The following FANCC variants were observed in gnomAD, a reference collection of about 807,000 sequenced individuals.
FANCC encodes FA complementation group C, also known as Fanconi anemia group C protein.
Under a neutral mutation model 71.3 loss-of-function variants are expected in FANCC, and 55 were observed. The ratio of observed to expected loss-of-function variants is 0.77; its 90% confidence interval spans 0.62 to 0.97. The LOEUF (loss-of-function observed/expected upper bound fraction) is 0.97, where lower values mean the gene tolerates loss of function less well. FANCC is among the 50% of genes least tolerant of loss of function. FANCC has a pLI of 0.00. For synonymous variants in FANCC, 275 were observed against 244.9 expected (o/e 1.12, Z -1.15); for missense variants, 678 against 670.9 (o/e 1.01, Z -0.12).
chr9:95,112,157 C>T (rs1349994169), intron 12 of FANCC, among the ~76,000 whole-genome samples: 2 of 152,224 alleles, frequency 1.3e-5, no homozygotes, highest in Admixed American at 1.3e-4. Flanking sequence ...GAAGCTATCC[C>T]CTCGCCACAC....
At chr9:95,256,996 T>C (rs894581014) in intron 1 of FANCC, among the ~76,000 whole-genome samples, 2 of 152,140 alleles carry the variant, frequency 1.3e-5, no homozygotes, top group South Asian at 2.1e-4. Context: ...CTATCCTAAA[T>C]ATATATGCAC....
chr9:95,173,928 A>G (rs1010799607), intron 4 of FANCC, among the ~76,000 whole-genome samples: 1 of 152,226 alleles, frequency 6.6e-6, no homozygotes, highest in African/African-American at 2.4e-5. Flanking sequence ...AATAATTTTA[A>G]TAGTATTTAA....
chr9:95,242,079 A>AT, intron 3 of FANCC, among the ~76,000 whole-genome samples: 1 of 152,030 alleles, frequency 6.6e-6, no homozygotes, highest in Non-Finnish European at 1.5e-5. Flanking sequence ...TTTTAAACCC[A>AT]TTTTTTTCCC....
intron 1 of FANCC, among the ~76,000 whole-genome samples, chr9:95,282,258 A>G (rs1319763131): frequency 2.0e-5 from 3 of 152,150 alleles, no homozygotes; most frequent in Non-Finnish European, 4.4e-5. Context: ...GAGTGGCTAT[A>G]CTTATATCAG....
intron 6 of FANCC, among the ~76,000 whole-genome samples, chr9:95,152,745 G>A (rs574629756): frequency 6.6e-6 from 1 of 152,070 alleles, no homozygotes. Context: ...CACCCGAGTA[G>A]ACTGCACCTA....
In FANCC at chr9:95,229,863, A is replaced by C. The variant is rs147012624; in HGVS notation, c.345+10786T>G. ...TTGTAACAGATCAGTTCAAAATAAA[A>C]CAAAATTCTGGGTAGTCTTACCTTT... On this transcript the variant is annotated intron_variant, in intron 4 of 14. Coordinates refer to ENST00000289081, the MANE Select transcript of FANCC (RefSeq NM_000136.3). Among the ~76,000 whole-genome samples, 546 of 152,304 alleles carry C rather than the reference A, an allele frequency of 3.6e-3. 5 individuals are homozygous for C. The highest frequency in any genetic ancestry group is 0.012 in the African/African-American group (513 of 41,560).
intron 4 of FANCC, among the ~76,000 whole-genome samples, chr9:95,178,525 C>T (rs2297597): frequency 0.38 from 58,392 of 152,110 alleles, 11,792 homozygotes; most frequent in East Asian, 0.58. Flanking sequence ...CTGAGGGGAG[C>T]GCCCTGGAAT....
intron 4 of FANCC, among the ~76,000 whole-genome samples, chr9:95,178,795 T>C (rs991376368): frequency 6.6e-6 from 1 of 152,224 alleles, no homozygotes; most frequent in Non-Finnish European, 1.5e-5. Context: ...TATAAGAAAA[T>C]TGAGTTAAAT....
At chr9:95,156,384 C>T (rs527341132) in intron 6 of FANCC, among the ~76,000 whole-genome samples, 2 of 152,212 alleles carry the variant, frequency 1.3e-5, no homozygotes, top group Admixed American at 6.5e-5. Context: ...CCAACACATC[C>T]GATACATTCC....
intron 6 of FANCC, among the ~76,000 whole-genome samples, chr9:95,161,121 T>C (rs1417704677): frequency 2.6e-5 from 4 of 152,172 alleles, no homozygotes; most frequent in Non-Finnish European, 4.4e-5. Flanking sequence ...AGGACTACTA[T>C]AAAAGATAAG....
chr9:95,142,287 C>T (rs113118503), intron 7 of FANCC, among the ~76,000 whole-genome samples: 3,434 of 152,062 alleles, frequency 0.023, 143 homozygotes, highest in African/African-American at 0.079. Context: ...GCCACCGTGC[C>T]CGGCCACCAA....
chr9:95,110,701 C>T (rs555263994), intron 13 of FANCC: 1,386 of 1,058,232 alleles, frequency 1.3e-3, no homozygotes, highest in Admixed American at 2.6e-3. Flanking sequence ...GGGCTCTATA[C>T]AAAATGAGCC....
intron 6 of FANCC, among the ~76,000 whole-genome samples, chr9:95,168,192 TTC>T (rs1825430506): frequency 6.6e-6 from 1 of 152,188 alleles, no homozygotes; most frequent in Non-Finnish European, 1.5e-5. Flanking sequence ...ACTACGCCAT[TTC>T]TCTGTCAGTG....
intron 4 of FANCC, among the ~76,000 whole-genome samples, chr9:95,210,858 C>T (rs987570783): frequency 2.0e-5 from 3 of 152,050 alleles, no homozygotes; most frequent in Non-Finnish European, 2.9e-5. Context: ...ATATATATTC[C>T]ATAAACTCTA....
chr9:95,267,014 C>T (rs926581214), intron 1 of FANCC, among the ~76,000 whole-genome samples: 1 of 152,078 alleles, frequency 6.6e-6, no homozygotes. Context: ...AGCACACACA[C>T]AAAATAAACA....
chr9:95,138,515 G>A (rs1006575620), intron 7 of FANCC, among the ~76,000 whole-genome samples: 5 of 152,178 alleles, frequency 3.3e-5, no homozygotes, highest in South Asian at 2.1e-4. Flanking sequence ...AGGAGAGTTC[G>A]CCTCTCAGTG....
At chr9:95,160,253 C>T (rs542132134) in intron 6 of FANCC, among the ~76,000 whole-genome samples, 3 of 152,254 alleles carry the variant, frequency 2.0e-5, no homozygotes, top group Admixed American at 6.5e-5. Context: ...TATGGCTAGC[C>T]AGTTTTCCCA....
intron 4 of FANCC, among the ~76,000 whole-genome samples, chr9:95,239,620 A>C (rs1830519052): frequency 6.6e-6 from 1 of 152,170 alleles, no homozygotes; most frequent in Admixed American, 6.5e-5. Context: ...TTTCTTCCCT[A>C]ATTCTACTTA....
At chr9:95,234,944 GTC>G (rs1199193071) in intron 4 of FANCC, among the ~76,000 whole-genome samples, 1 of 152,198 alleles carries the variant, frequency 6.6e-6, no homozygotes, top group East Asian at 1.9e-4. Context: ...TTCTAGTCAG[GTC>G]TCTCACTGAC....
Sources: allele counts gnomAD v4.1 joint callset (sites outside exome capture counted in the v4.1 genomes callset), GRCh38; gene constraint gnomAD v4.1.1; transcripts MANE v1.5; gene names NCBI Gene and HGNC (gene_info 2026-07-23, HGNC 2026-07-21).